MOBP: variants seen among roughly 807,000 people sequenced by gnomAD.
The protein encoded by MOBP is myelin associated oligodendrocyte basic protein.
A neutral mutation model predicts 15.0 loss-of-function variants in MOBP; 5 were observed. The observed-to-expected ratio is 0.33, with a 90% CI of 0.17 to 0.70. The LOEUF (loss-of-function observed/expected upper bound fraction) is 0.70, where lower values mean the gene tolerates loss of function less well. MOBP is among the 30% of genes least tolerant of loss of function. The pLI is 0.67. For missense variants in MOBP, 188 were observed against 257.8 expected (o/e 0.73, Z 1.85); for synonymous variants, 88 against 99.0 (o/e 0.89, Z 0.66).
rs540725806 is a variant in MOBP at position 39,480,077 on chromosome 3, C to T, written c.-51C>T. 1 of 151,838 alleles carries T rather than the reference C, an allele frequency of 6.6e-6. No individual in the cohort carries two copies. Among genetic ancestry groups the T allele is most frequent in the East Asian group, 1.9e-4 (1 of 5,160 alleles). 9.4% of individuals were successfully genotyped at this position (151,838 alleles called of 1,614,324 possible). A position where few individuals can be genotyped will look rare whatever the true frequency, so the allele number is the denominator to read the frequency against. On this transcript the variant is annotated 5_prime_UTR_variant, in exon 2 of 4. Coordinates refer to ENST00000684792, the MANE Select transcript of MOBP (RefSeq NM_001393704.1). ...AAGAAGCAAATGATACCAAGACAAGCTCATAACAGAGATCCAATCAGCAGA... is the reference window on the plus strand; with the variant it reads ...AAGAAGCAAATGATACCAAGACAAGTTCATAACAGAGATCCAATCAGCAGA...
intron 2 of MOBP, among the ~76,000 whole-genome samples, chr3:39,480,584 G>A (rs2042614222): frequency 6.6e-6 from 1 of 152,164 alleles, no homozygotes; most frequent in African/African-American, 2.4e-5. Flanking sequence ...TGAGAGGGGG[G>A]TCAGTGTCTT....
At chr3:39,520,735 C>G (rs1368927412), downstream of MOBP, among the ~76,000 whole-genome samples, 1 of 152,092 alleles carries the variant, frequency 6.6e-6, no homozygotes, top group Non-Finnish European at 1.5e-5. Context: ...TCTCCTTGCT[C>G]AAAAATCATG....
intron 2 of MOBP, among the ~76,000 whole-genome samples, chr3:39,483,467 C>G (rs767178329): frequency 6.6e-6 from 1 of 152,150 alleles, no homozygotes; most frequent in African/African-American, 2.4e-5. Context: ...AAGAATGGAA[C>G]CCCTGGAAAA....
Position 39,469,178 on chromosome 3 carries a change from A to G in MOBP, c.-89+1438A>G, listed in dbSNP as rs558411995. 6.6e-4 allele frequency among the ~76,000 whole-genome samples: 51 copies of G among 77,166 alleles called. 8 individuals are homozygous for G. Among genetic ancestry groups the G allele is most frequent in the Non-Finnish European group, 8.9e-4 (39 of 43,620 alleles). The allele number at this position is 77,166 out of a possible 152,430, so 50.6% of individuals were successfully genotyped here. On this transcript the variant is annotated intron_variant, in intron 1 of 3. Transcript: ENST00000684792. Reference sequence around the variant, plus strand: ...TATGTGTGTGTGTATACATATATACATGTGTGTGTGTGTATATACATATAT... The same window carrying G: ...TATGTGTGTGTGTATACATATATACGTGTGTGTGTGTGTATATACATATAT...
intron 2 of MOBP, among the ~76,000 whole-genome samples, chr3:39,483,553 G>A (rs2042656805): frequency 6.6e-6 from 1 of 152,216 alleles, no homozygotes; most frequent in Non-Finnish European, 1.5e-5. Flanking sequence ...GATAATCTGA[G>A]TTCTCTTCTT....
downstream of MOBP, among the ~76,000 whole-genome samples, chr3:39,507,669 G>T (rs907188368): frequency 6.6e-6 from 1 of 152,162 alleles, no homozygotes; most frequent in Admixed American, 6.5e-5. Context: ...CAACAGAGCT[G>T]TATATAAATC....
At chr3:39,525,117 G>A (rs1287083729), downstream of MOBP, 9 of 149,970 alleles carry the variant, frequency 6.0e-5, no homozygotes, top group African/African-American at 2.2e-4. Flanking sequence ...TATCCTTTTG[G>A]AAAAAAAAAG....
At chr3:39,487,562 C>T (rs1232803084) in intron 2 of MOBP, among the ~76,000 whole-genome samples, 5 of 119,832 alleles carry the variant, frequency 4.2e-5, no homozygotes, top group East Asian at 2.5e-4. Context: ...CTCATTCTGT[C>T]GCCCAGGCTG....
At chr3:39,497,669 T>G (rs73068347) in intron 2 of MOBP, among the ~76,000 whole-genome samples, 6,791 of 152,342 alleles carry the variant, frequency 0.045, 275 homozygotes, top group East Asian at 0.19. Flanking sequence ...AGATAAAGTA[T>G]GCAAAACAAC....
chr3:39,502,085 G>C lies in MOBP; in HGVS notation c.16G>C (p.Ala6Pro). The C allele has an allele frequency of 6.2e-7, 1 of 1,613,940 alleles. No individual in the cohort carries two copies. The change falls in exon 3 of 4, where the codon GCC becomes CCC. Residue 6 changes from alanine to proline, a missense_variant. Physicochemically the swap from Ala to Pro is conservative, Grantham distance 27 (BLOSUM62 -1). This residue lies in a region of MOBP where 133 missense variants were observed against 212.5 expected (regional missense o/e 0.63). Coordinates refer to ENST00000684792, the MANE Select transcript of MOBP (RefSeq NM_001393704.1). The surrounding 1 kb of genome is among the most constrained non-coding windows in gnomAD (Gnocchi z 6.3). MSQKPAKEGPRLSKNQ... is the reference protein window; with the variant it reads MSQKPPKEGPRLSKNQ... The stretch of plus-strand genomic sequence containing the variant: ...TTCCAGTGAGATGAGTCAGAAACCG[G>C]CCAAGGAGGGTCCCAGACTCTCCAA...
intron 2 of MOBP, among the ~76,000 whole-genome samples, chr3:39,487,812 G>A (rs970117727): frequency 5.9e-5 from 9 of 152,024 alleles, no homozygotes; most frequent in Non-Finnish European, 8.8e-5. Context: ...GTGAGCCACC[G>A]CGCCCGGCCC....
At chr3:39,517,633 A>C (rs1255916529), downstream of MOBP, 1 of 152,222 alleles carries the variant, frequency 6.6e-6, no homozygotes, top group African/African-American at 2.4e-5. Flanking sequence ...TAAATGGTTT[A>C]CTGAATTAAA....
chr3:39,517,653 A>G (rs1275315376), downstream of MOBP: 1 of 152,168 alleles, frequency 6.6e-6, no homozygotes, highest in Non-Finnish European at 1.5e-5. Context: ...AGAGTGTACT[A>G]TTTGATATCA....
chr3:39,482,684 A>G (rs1005763620), intron 2 of MOBP, among the ~76,000 whole-genome samples: 6 of 149,594 alleles, frequency 4.0e-5, no homozygotes, highest in African/African-American at 1.5e-4. Context: ...ACCTCTGACT[A>G]TGACATATTT....
intron 1 of MOBP, among the ~76,000 whole-genome samples, 188 bp downstream of exon 1, chr3:39,467,928 T>C (rs994569665): frequency 2.0e-5 from 3 of 152,160 alleles, no homozygotes; most frequent in Non-Finnish European, 4.4e-5. Flanking sequence ...TATTCTGATG[T>C]GGGCAGGGGG....
chr3:39,525,565 A>C (rs1479185366), downstream of MOBP: 1 of 152,244 alleles, frequency 6.6e-6, no homozygotes, highest in Non-Finnish European at 1.5e-5. Flanking sequence ...GGATGCCCAA[A>C]GATCCAACAA....
chr3:39,509,215 A>T (rs547732847), intron 4 of MOBP, among the ~76,000 whole-genome samples: 1 of 152,184 alleles, frequency 6.6e-6, no homozygotes, highest in Admixed American at 6.5e-5. Flanking sequence ...TTATGTGAAC[A>T]TAAGTTTTCC....
intron 4 of MOBP, among the ~76,000 whole-genome samples, chr3:39,512,406 G>A (rs1398800756): frequency 6.6e-6 from 1 of 152,164 alleles, no homozygotes; most frequent in Non-Finnish European, 1.5e-5. Flanking sequence ...TCCAGAAAGT[G>A]TAAAGAGATT....
At chr3:39,482,098 C>T (rs1226547174) in intron 2 of MOBP, among the ~76,000 whole-genome samples, 1 of 152,156 alleles carries the variant, frequency 6.6e-6, no homozygotes, top group Non-Finnish European at 1.5e-5. Context: ...TAAAAGTGAA[C>T]TCATGCTTCT....
Sources: gnomAD v4.1 joint callset for allele counts (sites outside exome capture counted in the v4.1 genomes callset) on GRCh38, gnomAD v4.1.1 for gene constraint, gnomAD v4.1.1 regional missense constraint, Gnocchi (gnomAD v3.1) non-coding constraint, MANE v1.5 for transcripts, NCBI Gene and HGNC (gene_info 2026-07-23, HGNC 2026-07-21) for gene names.